KCNH1: variants seen among roughly 807,000 people sequenced by gnomAD.
KCNH1 encodes the protein voltage-gated delayed rectifier potassium channel KCNH1.
In KCNH1, 27 loss-of-function variants were observed where a neutral mutation model predicts 69.2. The observed-to-expected ratio is 0.39, with a 90% CI of 0.29 to 0.54. The LOEUF (loss-of-function observed/expected upper bound fraction) is 0.54. Among genes scored for constraint, KCNH1 ranks in the 20% least tolerant of loss-of-function variants. KCNH1 has a pLI of 0.68. For missense variants in KCNH1, 798 were observed against 1,261.6 expected, an observed-to-expected ratio of 0.63 and a Z score of 5.57; for synonymous variants, 456 against 487.7, an observed-to-expected ratio of 0.93 and a Z score of 0.86.
rs200699122 is a variant in KCNH1, at chr1:210,683,719, G to A, written c.2532C>T (p.Cys844=). The A allele has an allele frequency of 2.0e-4, 322 of 1,614,132 alleles. 1 individual carries two copies. Among genetic ancestry groups the A allele is most frequent in the Middle Eastern group, 1.6e-4 (1 of 6,062 alleles). Residue 844 remains cysteine (C), a synonymous_variant, in exon 11 of 11, where the codon TGC becomes TGT. Coordinates refer to ENST00000271751, the MANE Select transcript of KCNH1 (RefSeq NM_172362.3). This position sits in a 1 kb window ranked among gnomAD's most constrained non-coding sequence, Gnocchi z 5.7. The part of the protein sequence containing the change: ...RKSWARFKDA[C]GKSEDWNKVS... ...CCTTGTTCCAGTCCTCACTCTTCCCGCAAGCATCTTTGAAGCGGGCCCAGC... is the reference window on the plus strand; with the variant it reads ...CCTTGTTCCAGTCCTCACTCTTCCCACAAGCATCTTTGAAGCGGGCCCAGC...
intron 7 of KCNH1, among the ~76,000 whole-genome samples, chr1:210,812,499 G>A (rs747567779): frequency 1.8e-4 from 27 of 152,080 alleles, no homozygotes; most frequent in Admixed American, 1.3e-3. Context: ...TTATTTTAAG[G>A]AGACTTAATA....
At position 210,718,886 on chromosome 1, in the gene KCNH1, G is replaced by A. The variant is rs547030963; in HGVS notation, c.2113-34748C>T. Among the ~76,000 whole-genome samples, 322 of 151,962 alleles carry A rather than the reference G, an allele frequency of 2.1e-3. 1 individual carries two copies. The highest frequency in any genetic ancestry group is 3.6e-3 in the Non-Finnish European group (246 of 67,998). On this transcript the variant is annotated intron_variant, in intron 10 of 10. Coordinates refer to ENST00000271751, the MANE Select transcript of KCNH1 (RefSeq NM_172362.3). ...AGGGAGCCACCCCTCAAGAGCCATG[G>A]GGTCAGGAACTGGAGAAGACTCAAG...
intron 6 of KCNH1, among the ~76,000 whole-genome samples, chr1:210,950,281 C>A (rs2102345231): frequency 6.7e-6 from 1 of 150,170 alleles, no homozygotes; most frequent in Non-Finnish European, 1.5e-5. Flanking sequence ...AGGTTAGTTA[C>A]ATATGTATAC....
intron 10 of KCNH1, among the ~76,000 whole-genome samples, chr1:210,686,367 A>G (rs567297127): frequency 6.6e-6 from 1 of 152,312 alleles, no homozygotes; most frequent in Non-Finnish European, 1.5e-5. Context: ...TCTTCCAGAA[A>G]GTCTTCCCTG....
intron 5 of KCNH1, among the ~76,000 whole-genome samples, chr1:211,081,367 G>T (rs1690855799): frequency 6.6e-6 from 1 of 152,208 alleles, no homozygotes; most frequent in South Asian, 2.1e-4. Context: ...TACACTGTTG[G>T]TGGGACTGTA....
intron 2 of KCNH1, 53 bp from the exon 3 acceptor site, chr1:211,103,655 A>T (rs1691302469): frequency 8.7e-7 from 1 of 1,147,948 alleles, no homozygotes. Flanking sequence ...ATTATTCTAC[A>T]AGCATATGTT....
At chr1:210,829,851 G>A (rs1391332026) in intron 7 of KCNH1, among the ~76,000 whole-genome samples, 4 of 151,988 alleles carry the variant, frequency 2.6e-5, no homozygotes, top group African/African-American at 4.8e-5. Context: ...ACCTTCTAAC[G>A]AATCATAAAA....
At chr1:210,997,841 G>C (rs543874072) in intron 6 of KCNH1, among the ~76,000 whole-genome samples, 2 of 152,350 alleles carry the variant, frequency 1.3e-5, no homozygotes, top group East Asian at 1.9e-4. Flanking sequence ...AGCCAGAAGA[G>C]AGTGGGGGCC....
intron 10 of KCNH1, among the ~76,000 whole-genome samples, chr1:210,758,905 T>G (rs1373826694): frequency 6.6e-6 from 1 of 152,124 alleles, no homozygotes; most frequent in African/African-American, 2.4e-5. Flanking sequence ...CGGCTCTTAC[T>G]CTTAAGCCAC....
chr1:210,959,904 TG>T, intron 6 of KCNH1, among the ~76,000 whole-genome samples: 1 of 152,330 alleles, frequency 6.6e-6, no homozygotes. Context: ...TCGCCCTCCA[TG>T]GGCTATACCC....
At chr1:211,125,194 G>A (rs1447895709) in intron 1 of KCNH1, among the ~76,000 whole-genome samples, 1 of 152,190 alleles carries the variant, frequency 6.6e-6, no homozygotes, top group Non-Finnish European at 1.5e-5. Context: ...TTCGTGTGGT[G>A]TACCCCACAA....
intron 5 of KCNH1, among the ~76,000 whole-genome samples, chr1:211,054,794 A>G (rs191093511): frequency 2.6e-5 from 4 of 152,254 alleles, no homozygotes; most frequent in African/African-American, 9.6e-5. Flanking sequence ...CCAATAGAAA[A>G]AAATAAAAAT....
chr1:210,957,199 T>C (rs1036060895), intron 6 of KCNH1, among the ~76,000 whole-genome samples: 2 of 152,196 alleles, frequency 1.3e-5, no homozygotes, highest in South Asian at 4.1e-4. Flanking sequence ...AGCAGACTGT[T>C]CAGTTTCCAT....
rs866568062 is a variant in KCNH1, at chr1:210,985,263, T to C, written c.1032+33520A>G. 3.9e-5 allele frequency among the ~76,000 whole-genome samples: 6 copies of C among 152,288 alleles called. No individual in the cohort carries two copies. In the South Asian group the frequency reaches 6.2e-4, roughly 16 times the overall value. ...TGGATTCACTGATTTTTTGAAGGGT[T>C]TTTTGTGTCTCTATCTCCTTCAGTT... On this transcript the variant is annotated intron_variant, in intron 6 of 10. Coordinates refer to ENST00000271751, the MANE Select transcript of KCNH1 (RefSeq NM_172362.3).
At chr1:210,714,266 G>T (rs1348317941) in intron 10 of KCNH1, among the ~76,000 whole-genome samples, 1 of 152,184 alleles carries the variant, frequency 6.6e-6, no homozygotes, top group South Asian at 2.1e-4. Context: ...ACAGCTGTCA[G>T]TAAGGGGAGT....
chr1:211,098,444 C>G (rs1473072688), intron 3 of KCNH1, among the ~76,000 whole-genome samples: 2 of 152,088 alleles, frequency 1.3e-5, no homozygotes, highest in African/African-American at 4.8e-5. Context: ...AGATAGAAAT[C>G]TTTCAAATAA....
At chr1:210,925,794 C>A (rs923290672) in intron 6 of KCNH1, among the ~76,000 whole-genome samples, 1 of 152,198 alleles carries the variant, frequency 6.6e-6, no homozygotes, top group Non-Finnish European at 1.5e-5. Flanking sequence ...TCTCTACCAG[C>A]CCTGGTAACC....
intron 6 of KCNH1, among the ~76,000 whole-genome samples, chr1:210,987,867 C>A (rs1428205769): frequency 6.6e-6 from 1 of 152,204 alleles, no homozygotes; most frequent in Non-Finnish European, 1.5e-5. Context: ...ATTGTCTGTG[C>A]CCTGCCCCTA....
At chr1:211,050,260 T>TAAAAAAAAAA (rs747498526) in intron 5 of KCNH1, among the ~76,000 whole-genome samples, 1,282 of 58,432 alleles carry the variant, frequency 0.022, 220 homozygotes, top group Non-Finnish European at 0.029. Flanking sequence ...CACACATTCT[T>TAAAAAAAAAA]AAAAAAAAAA....
Sources: gnomAD v4.1 joint callset for allele counts (sites outside exome capture counted in the v4.1 genomes callset) on GRCh38, gnomAD v4.1.1 for gene constraint, Gnocchi (gnomAD v3.1) non-coding constraint, MANE v1.5 for transcripts, NCBI Gene and HGNC (gene_info 2026-07-23, HGNC 2026-07-21) for gene names.